Variants in ENTPD1 observed in about 807,000 individuals in gnomAD.
ENTPD1 encodes the protein ATP diphosphohydrolase.
Under a neutral mutation model 57.0 loss-of-function variants are expected in ENTPD1, and 33 were observed. The ratio of observed to expected loss-of-function variants is 0.58; its 90% CI spans 0.44 to 0.77. ENTPD1 has a LOEUF of 0.77. Among genes scored for constraint, ENTPD1 ranks in the 30% least tolerant of loss-of-function variants. The pLI is 0.00. For missense variants in ENTPD1, 501 were observed against 603.4 expected, an observed-to-expected ratio of 0.83 and a Z score of 1.78; for synonymous variants, 202 against 218.8, an observed-to-expected ratio of 0.92 and a Z score of 0.68.
intron 1 of ENTPD1, 180 bp downstream of exon 1, chr10:95,756,435 CAG>C (rs1300011498): frequency 1.4e-6 from 1 of 704,636 alleles, no homozygotes; most frequent in Non-Finnish European, 2.4e-6. Flanking sequence ...TTTTAGGAAG[CAG>C]AGTCCAGGGT....
At chr10:95,700,700 A>T in the ENTPD1 span, among the ~76,000 whole-genome samples, 1 of 152,202 alleles carries the variant, frequency 6.6e-6, no homozygotes, top group East Asian at 1.9e-4. Flanking sequence ...TTAAAAAGAA[A>T]AGAAAATGGA....
At chr10:95,700,572 T>C in the ENTPD1 span, among the ~76,000 whole-genome samples, 1 of 151,956 alleles carries the variant, frequency 6.6e-6, no homozygotes, top group East Asian at 1.9e-4. Flanking sequence ...CCTATAGTCC[T>C]AGCTGCACAA....
At chr10:95,816,191 GGCTCCA>G (rs1343692131) in intron 1 of ENTPD1, among the ~76,000 whole-genome samples, 3 of 152,226 alleles carry the variant, frequency 2.0e-5, no homozygotes, top group African/African-American at 7.2e-5. Flanking sequence ...TTCTCTCCCT[GGCTCCA>G]GCTGCCAAAT....
At chr10:95,864,580 C>A in intron 8 of ENTPD1, 144 bp from the exon 9 acceptor site, 3 of 1,072,558 alleles carry the variant, frequency 2.8e-6, no homozygotes, top group South Asian at 2.7e-5. Flanking sequence ...CAGCACCACC[C>A]CCAAAACCCT....
intron 1 of ENTPD1, among the ~76,000 whole-genome samples, chr10:95,720,760 AG>A (rs1308053333): frequency 6.6e-6 from 1 of 152,158 alleles, no homozygotes; most frequent in Admixed American, 6.5e-5. Flanking sequence ...GGCATGGACG[AG>A]GGGGCAGCTT....
At chr10:95,723,258 ATCTTTCTCTT>A (rs932488367) in intron 1 of ENTPD1, among the ~76,000 whole-genome samples, 19 of 152,064 alleles carry the variant, frequency 1.2e-4, no homozygotes, top group African/African-American at 4.6e-4. Flanking sequence ...TACTACTTCT[ATCTTTCTCTT>A]TCTTTCTCTC....
At chr10:95,841,896 T>C (rs956237088) in intron 3 of ENTPD1, among the ~76,000 whole-genome samples, 2 of 152,246 alleles carry the variant, frequency 1.3e-5, no homozygotes, top group South Asian at 2.1e-4. Flanking sequence ...CAGGATCAGA[T>C]AACTAGTTAG....
chr10:95,818,353 A>C (rs1466772440), intron 1 of ENTPD1, among the ~76,000 whole-genome samples: 2 of 152,178 alleles, frequency 1.3e-5, no homozygotes, highest in Non-Finnish European at 2.9e-5. Context: ...GAATGGTAAA[A>C]TGGGAAGGGC....
chr10:95,835,950 G>A (rs2098408557), intron 2 of ENTPD1, among the ~76,000 whole-genome samples: 1 of 152,130 alleles, frequency 6.6e-6, no homozygotes, highest in African/African-American at 2.4e-5. Flanking sequence ...GACTTTTATA[G>A]TTTGAGGGTC....
chr10:95,852,314 T>A (rs2098446774), intron 7 of ENTPD1, among the ~76,000 whole-genome samples: 1 of 152,246 alleles, frequency 6.6e-6, no homozygotes, highest in African/African-American at 2.4e-5. Context: ...GAGTTCATTT[T>A]AGATTCTGGA....
At position 95,876,352 on chromosome 10, in the gene ENTPD1, C is replaced by T. The variant is rs1023441156; in HGVS notation, c.*9969C>T. ...GGGCAAATACAGATAAATGGTAATT[C>T]TTAGAATGAACTACTCAGCACCAAT... is the stretch of plus-strand genomic sequence containing the variant. On this transcript the variant is annotated 3_prime_UTR_variant, in exon 10 of 10. Transcript: ENST00000371205. The T allele has an allele frequency of 8.1e-6, 8 of 985,238 alleles. No homozygotes were observed. The African/African-American group carries it at 8.7e-5, about 11-fold the overall frequency. 61.0% of individuals were successfully genotyped at this position (985,238 alleles called of 1,614,324 possible). A position where few individuals can be genotyped will look rare whatever the true frequency, so the allele number is the denominator to read the frequency against.
chr10:95,745,581 A>C (rs558665062), intron 1 of ENTPD1, among the ~76,000 whole-genome samples: 5 of 152,180 alleles, frequency 3.3e-5, no homozygotes, highest in Non-Finnish European at 5.9e-5. Context: ...AGGATAAAGG[A>C]GTTAAAGGGG....
rs113346477 is a variant in ENTPD1 at position 95,773,032 on chromosome 10, G to C, written c.16+16777G>C. On this transcript the variant is annotated intron_variant, in intron 1 of 9. Transcript: ENST00000371205. ...TCCACTCTTGGAGGAAGGTGAAGGG[G>C]AGCCAGAGTGTGCAGAGATCACATG... is the stretch of plus-strand genomic sequence containing the variant. 5.2e-3 allele frequency among the ~76,000 whole-genome samples: 788 copies of C among 152,264 alleles called. 6 individuals carry two copies. The highest frequency in any genetic ancestry group is 0.018 in the African/African-American group (728 of 41,552).
intron 1 of ENTPD1, among the ~76,000 whole-genome samples, chr10:95,757,947 G>A (rs180796595): frequency 3.9e-4 from 56 of 143,346 alleles, no homozygotes; most frequent in African/African-American, 1.3e-3. Context: ...AGAGGTTGCA[G>A]TGAGCTGAGG....
intron 2 of ENTPD1, among the ~76,000 whole-genome samples, chr10:95,836,362 G>A (rs2098409691): frequency 6.6e-6 from 1 of 151,452 alleles, no homozygotes; most frequent in African/African-American, 2.4e-5. Context: ...TGATTTCTTT[G>A]GGCAATACGA....
chr10:95,839,846 G>C (rs1453161254), intron 3 of ENTPD1, 38 bp downstream of exon 3: 38 of 1,599,384 alleles, frequency 2.4e-5, no homozygotes, highest in Non-Finnish European at 3.1e-5. Flanking sequence ...GCCAACAGTG[G>C]GGCATGAGAA....
chr10:95,748,165 A>G (rs775975895), intron 1 of ENTPD1, among the ~76,000 whole-genome samples: 8 of 152,018 alleles, frequency 5.3e-5, no homozygotes, highest in Non-Finnish European at 1.2e-4. Context: ...GAGCCACCGC[A>G]CCCGGCCCAA....
At chr10:95,797,680 G>C (rs2098232086) in intron 1 of ENTPD1, among the ~76,000 whole-genome samples, 1 of 152,142 alleles carries the variant, frequency 6.6e-6, no homozygotes, top group Non-Finnish European at 1.5e-5. Context: ...GGAGGTGCCA[G>C]GCTCTTTTAA....
intron 1 of ENTPD1, among the ~76,000 whole-genome samples, chr10:95,770,605 T>A (rs1034272304): frequency 9.9e-5 from 15 of 152,182 alleles, no homozygotes; most frequent in African/African-American, 3.6e-4. Flanking sequence ...GTATGGTCTT[T>A]TTCAATTGTG....
Sources: gnomAD v4.1 joint callset for allele counts (sites outside exome capture counted in the v4.1 genomes callset) on GRCh38, gnomAD v4.1.1 for gene constraint, MANE v1.5 for transcripts, NCBI Gene and HGNC (gene_info 2026-07-23, HGNC 2026-07-21) for gene names.